Variants in SNRNP48 observed in about 807,000 individuals in gnomAD.
SNRNP48 encodes small nuclear ribonucleoprotein U11/U12 subunit 48.
A neutral mutation model predicts 47.0 loss-of-function variants in SNRNP48; 43 were observed. That is an observed-to-expected ratio of 0.92 (90% CI 0.72 to 1.18). The LOEUF is 1.18. SNRNP48 is among the 50% of genes most tolerant of loss of function. The pLI, the probability that SNRNP48 is intolerant of heterozygous loss-of-function variation, is 0.00. For synonymous variants in SNRNP48, 138 were observed against 144.0 expected (o/e 0.96, Z 0.30); for missense variants, 396 against 422.2 (o/e 0.94, Z 0.54).
rs749019901 is a variant in SNRNP48 at position 7,608,811 on chromosome 6, C to A, written c.972-14C>A. 6 of 1,459,954 alleles carry A rather than the reference C, an allele frequency of 4.1e-6. No homozygotes were observed. The African/African-American group carries it at 8.7e-5, about 21-fold the overall frequency. 90.4% of individuals were successfully genotyped at this position (1,459,954 alleles called of 1,614,324 possible). A position where few individuals can be genotyped will look rare whatever the true frequency, so the allele number is the denominator to read the frequency against. ...ATCATTTATAACCATTTTTTTATAC[C>A]TCTTTTATTTCAGGGATGGGGAAAG... On this transcript the variant is annotated splice_polypyrimidine_tract_variant and intron_variant, in intron 8 of 8. Coordinates refer to ENST00000342415, the MANE Select transcript of SNRNP48 (RefSeq NM_152551.4).
In SNRNP48 at chr6:7,593,816, T is replaced by G; in HGVS notation, c.239T>G (p.Leu80Trp). 6.3e-7 allele frequency: 1 copy of G among 1,596,992 alleles called. No homozygotes were observed. The highest frequency in any genetic ancestry group is 8.5e-7 in the Non-Finnish European group (1 of 1,171,806). Residue 80 changes from leucine to tryptophan, a missense_variant, in exon 2 of 9, where the codon TTG (leucine) becomes TGG (tryptophan). By Grantham distance (61) the Leu-to-Trp change is moderately conservative. Coordinates refer to ENST00000342415, the MANE Select transcript of SNRNP48 (RefSeq NM_152551.4). ...GCAAAGCACATGGCATCTTGTAGATTGAGGAAAATGGGCTATACCAAAGAA... is the reference window on the plus strand; with the variant it reads ...GCAAAGCACATGGCATCTTGTAGATGGAGGAAAATGGGCTATACCAAAGAA... ...SLAKHMASCR[L>W]RKMGYTKEEE...
Position 7,601,434 on chromosome 6 carries a change from G to C in SNRNP48, c.505G>C (p.Val169Leu). The C allele has an allele frequency of 6.2e-7, 1 of 1,604,814 alleles. No individual in the cohort carries two copies. The highest frequency in any genetic ancestry group is 8.5e-7 in the Non-Finnish European group (1 of 1,178,158). The stretch of plus-strand genomic sequence containing the variant: ...TCGTCTTGCCCTCTATGATTTCGTA[G>C]TTGAGGAGACAAAGAAAAAGCGCTC... ...ADRLALYDFV[V>L]EETKKKRSDS... The change falls in exon 5 of 9, where the codon GTT becomes CTT. Residue 169 changes from valine (V) to leucine (L), a missense_variant. Coordinates refer to ENST00000342415, the MANE Select transcript of SNRNP48 (RefSeq NM_152551.4).
rs990813604 is a variant in SNRNP48, at chr6:7,610,530, T to A, written c.*1657T>A. 1 of 152,220 alleles carries A rather than the reference T, an allele frequency of 6.6e-6. No homozygotes were observed. The highest frequency in any genetic ancestry group is 2.4e-5 in the African/African-American group (1 of 41,460). The allele number at this position is 152,220 out of a possible 1,614,324, so 9.4% of individuals were successfully genotyped here. A position where few individuals can be genotyped will look rare whatever the true frequency, so the allele number is the denominator to read the frequency against. On this transcript the variant is annotated 3_prime_UTR_variant, in exon 9 of 9. Transcript: ENST00000342415. ...ATTTTTCATATTGTGTGACAACTTA[T>A]AATTTTGTTTCAAATTGTGATTTCA... is the stretch of plus-strand genomic sequence containing the variant.
chr6:7,595,609 TA>T (rs1759891599), intron 4 of SNRNP48, among the ~76,000 whole-genome samples: 1 of 152,208 alleles, frequency 6.6e-6, no homozygotes, highest in Non-Finnish European at 1.5e-5. Flanking sequence ...GGAACATCTA[TA>T]AATGCCACTG....
chr6:7,597,162 A>G (rs1759918370), intron 4 of SNRNP48, among the ~76,000 whole-genome samples: 1 of 152,240 alleles, frequency 6.6e-6, no homozygotes, highest in Non-Finnish European at 1.5e-5. Context: ...ACAGGCACAC[A>G]AAAGTGAAGT....
intron 6 of SNRNP48, among the ~76,000 whole-genome samples, chr6:7,604,396 A>G (rs1042493238): frequency 1.3e-5 from 2 of 152,220 alleles, no homozygotes; most frequent in Non-Finnish European, 2.9e-5. Flanking sequence ...GAGACTCATT[A>G]GTAACCCAGG....
chr6:7,604,304 A>G (rs2113722213), intron 6 of SNRNP48, among the ~76,000 whole-genome samples: 1 of 152,254 alleles, frequency 6.6e-6, no homozygotes, highest in Admixed American at 6.5e-5. Context: ...AATATAGTGG[A>G]GGAGGAGAAG....
intron 4 of SNRNP48, chr6:7,599,981 ACAT>A: frequency 1.0e-6 from 1 of 988,486 alleles, no homozygotes. Flanking sequence ...TGTTTGTAAT[ACAT>A]CATTATTTTC....
At chr6:7,602,413 A>G (rs1000160496) in intron 5 of SNRNP48, among the ~76,000 whole-genome samples, 2 of 152,150 alleles carry the variant, frequency 1.3e-5, no homozygotes, top group African/African-American at 4.8e-5. Flanking sequence ...TAATCTATGT[A>G]CCTAAGCACT....
chr6:7,593,168 A>G (rs1029683802), intron 1 of SNRNP48, among the ~76,000 whole-genome samples: 1 of 152,102 alleles, frequency 6.6e-6, no homozygotes, highest in African/African-American at 2.4e-5. Context: ...AAACAGCAAA[A>G]GGTCAGTGGT....
chr6:7,610,661 G>A lies in SNRNP48; in HGVS notation c.*1788G>A, dbSNP rs901054124. 4.6e-5 allele frequency: 7 copies of A among 152,162 alleles called. No individual in the cohort carries two copies. The highest frequency in any genetic ancestry group is 1.3e-4 in the Admixed American group (2 of 15,280). The allele number at this position is 152,162 out of a possible 1,614,324, so 9.4% of individuals were successfully genotyped here. On this transcript the variant is annotated 3_prime_UTR_variant, in exon 9 of 9. Transcript: ENST00000342415. ...AGGAGTGGATTGGAGAAATTGGGGGGAAATAGAAGAGTACGGAGAAAGGAA... is the reference window on the plus strand; with the variant it reads ...AGGAGTGGATTGGAGAAATTGGGGGAAAATAGAAGAGTACGGAGAAAGGAA...
At chr6:7,591,386 A>G (rs1187187234) in intron 1 of SNRNP48, among the ~76,000 whole-genome samples, 1 of 152,134 alleles carries the variant, frequency 6.6e-6, no homozygotes, top group African/African-American at 2.4e-5. Context: ...AAGTGCTCCA[A>G]TGTGGGGTAA....
intron 1 of SNRNP48, 28 bp downstream of exon 1, chr6:7,590,441 C>T (rs774361527): frequency 3.9e-6 from 5 of 1,277,042 alleles, no homozygotes; most frequent in Non-Finnish European, 5.0e-6. Context: ...GGGGCCCTTT[C>T]GGGGACTATC....
rs1013847708 is a variant in SNRNP48 at position 7,610,714 on chromosome 6, T to C, written c.*1841T>C. On this transcript the variant is annotated 3_prime_UTR_variant, in exon 9 of 9. Coordinates refer to ENST00000342415, the MANE Select transcript of SNRNP48 (RefSeq NM_152551.4). ...GATTGAAAATGTTACCAGAGTTCTT[T>C]AAAGCTCACATTTTATAGTATCACT... 6.6e-6 allele frequency: 1 copy of C among 152,178 alleles called. No individual in the cohort carries two copies. Among genetic ancestry groups the C allele is most frequent in the Admixed American group, 6.5e-5 (1 of 15,278 alleles). 9.4% of individuals were successfully genotyped at this position (152,178 alleles called of 1,614,324 possible). A position where few individuals can be genotyped will look rare whatever the true frequency, so the allele number is the denominator to read the frequency against.
At chr6:7,592,054 G>T (rs1261931534) in intron 1 of SNRNP48, among the ~76,000 whole-genome samples, 1 of 152,172 alleles carries the variant, frequency 6.6e-6, no homozygotes, top group African/African-American at 2.4e-5. Context: ...ATGGGTCTGT[G>T]ATGGGTGGGG....
In SNRNP48 at chr6:7,595,995, G is replaced by A. The variant is rs1759898198; in HGVS notation, c.406+894G>A. ...AACATAGACATAGGCCAGACACGGT[G>A]GCTCATGCCTGTCATCCCAGCACTT... On this transcript the variant is annotated intron_variant, in intron 4 of 8. Coordinates refer to ENST00000342415, the MANE Select transcript of SNRNP48 (RefSeq NM_152551.4). Among the ~76,000 whole-genome samples, 6 of 152,186 alleles carry A rather than the reference G, an allele frequency of 3.9e-5. No individual in the cohort carries two copies. In the South Asian group the frequency reaches 1.2e-3, roughly 32 times the overall value.
At position 7,610,339 on chromosome 6, in the gene SNRNP48, C is replaced by T. The variant is rs1299243638; in HGVS notation, c.*1466C>T. On this transcript the variant is annotated 3_prime_UTR_variant, in exon 9 of 9. Transcript: ENST00000342415. ...CTCAGATTTATAAATTGGAAATCAC[C>T]AGGTTACTTGCCAATATATAGTCAT... The T allele has an allele frequency of 6.6e-6, 1 of 152,116 alleles. No homozygotes were observed. The highest frequency in any genetic ancestry group is 2.4e-5 in the African/African-American group (1 of 41,410). The allele number at this position is 152,116 out of a possible 1,614,324, so 9.4% of individuals were successfully genotyped here. A position where few individuals can be genotyped will look rare whatever the true frequency, so the allele number is the denominator to read the frequency against.
At chr6:7,596,060 T>A (rs1759899495) in intron 4 of SNRNP48, among the ~76,000 whole-genome samples, 1 of 152,120 alleles carries the variant, frequency 6.6e-6, no homozygotes, top group Non-Finnish European at 1.5e-5. Flanking sequence ...GGTCAGAAGT[T>A]CAAGACCACC....
intron 4 of SNRNP48, chr6:7,599,851 G>A: frequency 8.0e-6 from 9 of 1,118,424 alleles, no homozygotes; most frequent in Non-Finnish European, 1.0e-5. Context: ...AGGAATTTAA[G>A]TATCAGTCTT....
Sources: allele counts gnomAD v4.1 joint callset (sites outside exome capture counted in the v4.1 genomes callset), GRCh38; gene constraint gnomAD v4.1.1; transcripts MANE v1.5; gene names NCBI Gene and HGNC (gene_info 2026-07-23, HGNC 2026-07-21).